ANK2: variants seen among roughly 807,000 people sequenced by gnomAD.
ANK2 encodes ankyrin-2.
A neutral mutation model predicts 360.5 loss-of-function variants in ANK2; 83 were observed. The observed-to-expected ratio is 0.23, with a 90% CI of 0.19 to 0.28. The LOEUF (loss-of-function observed/expected upper bound fraction) is 0.28, where lower values mean the gene tolerates loss of function less well. ANK2 is among the 10% of genes least tolerant of loss of function. The pLI is 1.00. For missense variants in ANK2, 4,201 were observed against 4,795.7 expected, an observed-to-expected ratio of 0.88 and a Z score of 3.66; for synonymous variants, 1,740 against 1,759.5, an observed-to-expected ratio of 0.99 and a Z score of 0.28.
chr4:113,058,418 A>T (rs1303407200), intron 1 of ANK2, among the ~76,000 whole-genome samples: 1 of 152,138 alleles, frequency 6.6e-6, no homozygotes, highest in Non-Finnish European at 1.5e-5. Flanking sequence ...ATTCTTAATA[A>T]TAAGTATTTC....
chr4:113,108,487 A>T (rs2093917477), intron 1 of ANK2, among the ~76,000 whole-genome samples: 1 of 152,116 alleles, frequency 6.6e-6, no homozygotes, highest in Admixed American at 6.5e-5. Context: ...AACATACTTG[A>T]CTCTTGCTGA....
chr4:113,313,437 A>G (rs770470335), intron 24 of ANK2, among the ~76,000 whole-genome samples: 1 of 152,158 alleles, frequency 6.6e-6, no homozygotes, highest in Admixed American at 6.5e-5. Flanking sequence ...CTTAAATCCA[A>G]TACTTTTCAG....
chr4:112,825,296 C>T (rs1365506580), intron 1 of ANK2, among the ~76,000 whole-genome samples: 1 of 151,718 alleles, frequency 6.6e-6, no homozygotes, highest in Non-Finnish European at 1.5e-5. Context: ...ATGTAACAAA[C>T]CTGCATGTTG....
At chr4:112,729,025 A>G in the ANK2 span, among the ~76,000 whole-genome samples, 1 of 152,002 alleles carries the variant, frequency 6.6e-6, no homozygotes, top group Admixed American at 6.6e-5. Context: ...TGGGCAATAT[A>G]GTGGGACCCC....
At chr4:113,117,354 A>G (rs1181915642) in intron 1 of ANK2, 1 of 456,162 alleles carries the variant, frequency 2.2e-6, no homozygotes, top group African/African-American at 2.0e-5. Context: ...AAGGAAAAAA[A>G]TCTTGAGAGA....
intron 2 of ANK2, among the ~76,000 whole-genome samples, chr4:112,963,494 G>T (rs753844426): frequency 1.6e-4 from 24 of 152,048 alleles, no homozygotes; most frequent in Non-Finnish European, 3.4e-4. Flanking sequence ...TAATTTATTG[G>T]TTCAAAATTT....
At chr4:112,778,687 C>T in the ANK2 span, among the ~76,000 whole-genome samples, 1 of 152,152 alleles carries the variant, frequency 6.6e-6, no homozygotes, top group African/African-American at 2.4e-5. Flanking sequence ...GAACCAATCG[C>T]TGACAAGGGG....
the ANK2 span, among the ~76,000 whole-genome samples, chr4:112,721,986 C>A: frequency 6.6e-6 from 1 of 152,146 alleles, no homozygotes. Flanking sequence ...CATTTGTTAT[C>A]CTTCTAAAAT....
At chr4:112,821,688 G>A (rs1042839216) in intron 1 of ANK2, among the ~76,000 whole-genome samples, 1 of 151,330 alleles carries the variant, frequency 6.6e-6, no homozygotes, top group Non-Finnish European at 1.5e-5. Flanking sequence ...TAATAAGGGG[G>A]ATTATTGTTC....
At chr4:112,932,858 A>G (rs375856837) in intron 2 of ANK2, among the ~76,000 whole-genome samples, 1 of 152,172 alleles carries the variant, frequency 6.6e-6, no homozygotes, top group African/African-American at 2.4e-5. Flanking sequence ...TTCTATATTC[A>G]GAATAATGTA....
chr4:112,820,587 A>T (rs906564843), intron 1 of ANK2, among the ~76,000 whole-genome samples: 2 of 152,224 alleles, frequency 1.3e-5, no homozygotes, highest in African/African-American at 4.8e-5. Flanking sequence ...GTCTTGCAAT[A>T]GATTGGAAAG....
At chr4:112,719,450 C>T in the ANK2 span, among the ~76,000 whole-genome samples, 13 of 152,006 alleles carry the variant, frequency 8.6e-5, no homozygotes, top group Admixed American at 5.9e-4. Context: ...ATAATTCGGC[C>T]GGGCACGGTG....
the ANK2 span, among the ~76,000 whole-genome samples, chr4:112,795,553 G>C: frequency 6.6e-6 from 1 of 152,162 alleles, no homozygotes; most frequent in African/African-American, 2.4e-5. Flanking sequence ...CCTCAGGCTG[G>C]AGTACAGTGG....
Position 112,947,081 on chromosome 4 carries a change from A to G in ANK2, c.21+42567A>G, listed in dbSNP as rs1262780661. 5.3e-5 allele frequency among the ~76,000 whole-genome samples: 8 copies of G among 152,334 alleles called. No individual in the cohort carries two copies. In the East Asian group the frequency reaches 1.5e-3, roughly 29 times the overall value. ...ATTCATTCTTGTGAATGGGTATTGC[A>G]TGCTTGTTGGGTCCATATTTTCTTC... On this transcript the variant is annotated intron_variant, in intron 2 of 30. Coordinates refer to the ANK2 transcript ENST00000503271.
At chr4:112,900,587 T>G (rs1312972710) in intron 1 of ANK2, among the ~76,000 whole-genome samples, 6 of 152,194 alleles carry the variant, frequency 3.9e-5, no homozygotes. Flanking sequence ...GGTACAATGT[T>G]CACTATTTGA....
chr4:113,265,977 C>T (rs1460529295), intron 14 of ANK2, among the ~76,000 whole-genome samples: 1 of 152,112 alleles, frequency 6.6e-6, no homozygotes, highest in East Asian at 1.9e-4. Context: ...TATTATTATA[C>T]TTTAAGTTCT....
rs1588982377 is a variant in ANK2 at position 113,356,365 on chromosome 4, A to G, written c.7747A>G (p.Thr2583Ala). 3 of 1,614,068 alleles carry G rather than the reference A, an allele frequency of 1.9e-6. No individual in the cohort carries two copies. The highest frequency in any genetic ancestry group is 2.5e-6 in the Non-Finnish European group (3 of 1,180,002). ...AGAAAACGGGGAGAAAAAGAGGTTC[A>G]CACCTGAAGAGGAGATGTTTAAAAT... is the stretch of plus-strand genomic sequence containing the variant. ...DSENGEKKRFTPEEEMFKMVT... is the reference protein window; with the variant it reads ...DSENGEKKRFAPEEEMFKMVT... Residue 2583 changes from threonine (T) to alanine (A), a missense_variant, in exon 38 of 46, where the codon ACA becomes GCA. Physicochemically the swap from Thr to Ala is moderately conservative, Grantham distance 58. Around this residue, in one of 4 missense-constraint regions of ANK2, gnomAD observed 2,642 missense variants for 2,714.5 expected, o/e 0.97. Coordinates refer to ENST00000357077, the MANE Select transcript of ANK2 (RefSeq NM_001148.6).
At chr4:113,009,464 T>C (rs559485579) in intron 2 of ANK2, among the ~76,000 whole-genome samples, 1 of 152,308 alleles carries the variant, frequency 6.6e-6, no homozygotes, top group South Asian at 2.1e-4. Flanking sequence ...AAATAGAGTA[T>C]GCAAAAAACC....
chr4:112,953,200 C>T (rs932831430), intron 2 of ANK2, among the ~76,000 whole-genome samples: 2 of 152,208 alleles, frequency 1.3e-5, no homozygotes, highest in Admixed American at 6.5e-5. Context: ...ACTATAATCT[C>T]CTGCCTCTCA....
Sources: gnomAD v4.1 joint callset for allele counts (sites outside exome capture counted in the v4.1 genomes callset) on GRCh38, gnomAD v4.1.1 for gene constraint, gnomAD v4.1.1 regional missense constraint, MANE v1.5 for transcripts, NCBI Gene and HGNC (gene_info 2026-07-23, HGNC 2026-07-21) for gene names.